Variants in SLC25A21 observed in about 807,000 individuals in gnomAD.
SLC25A21 encodes mitochondrial 2-oxodicarboxylate carrier.
Under a neutral mutation model 43.8 loss-of-function variants are expected in SLC25A21, and 47 were observed. The ratio of observed to expected loss-of-function variants is 1.07; its 90% CI spans 0.85 to 1.37. The LOEUF (loss-of-function observed/expected upper bound fraction) is 1.37, where lower values mean the gene tolerates loss of function less well. Ranked by LOEUF, SLC25A21 falls within the 40% of genes most tolerant of loss-of-function variation. The pLI, the probability that SLC25A21 is intolerant of heterozygous loss-of-function variation, is 0.00. For synonymous variants in SLC25A21, 131 were observed against 121.3 expected (o/e 1.08, Z -0.52); for missense variants, 352 against 350.2 (o/e 1.00, Z -0.04).
intron 2 of SLC25A21, among the ~76,000 whole-genome samples, chr14:36,872,443 A>G (rs1331269692): frequency 6.6e-6 from 1 of 152,164 alleles, no homozygotes; most frequent in Non-Finnish European, 1.5e-5. Flanking sequence ...CTCCTGTATA[A>G]TGTGATGGTG....
chr14:36,929,595 G>A (rs539328297), intron 1 of SLC25A21, among the ~76,000 whole-genome samples: 3 of 152,246 alleles, frequency 2.0e-5, no homozygotes, highest in East Asian at 3.9e-4. Flanking sequence ...GAAGTAGCAG[G>A]CTTGGCGATA....
At chr14:36,887,042 T>C (rs1890937135) in intron 1 of SLC25A21, among the ~76,000 whole-genome samples, 1 of 152,120 alleles carries the variant, frequency 6.6e-6, no homozygotes, top group Admixed American at 6.5e-5. Context: ...TTTGAGTATA[T>C]AAAATGTCTT....
Position 36,891,963 on chromosome 14 carries a change from G to A in SLC25A21, c.71-16959C>T, listed in dbSNP as rs76522616. 9.2e-5 allele frequency among the ~76,000 whole-genome samples: 14 copies of A among 152,284 alleles called. No individual in the cohort carries two copies. In the East Asian group the frequency reaches 2.7e-3, roughly 29 times the overall value. On this transcript the variant is annotated intron_variant, in intron 1 of 9. Transcript: ENST00000331299. Reference sequence around the variant, plus strand: ...ACAATCAGGGCTGCTACATGAAAGAGAAATAAGCTTGTTGTTCCTTAAGCC... The same window carrying A: ...ACAATCAGGGCTGCTACATGAAAGAAAAATAAGCTTGTTGTTCCTTAAGCC...
chr14:36,951,935 G>A (rs1031462511), intron 1 of SLC25A21, among the ~76,000 whole-genome samples: 1 of 152,106 alleles, frequency 6.6e-6, no homozygotes, highest in East Asian at 1.9e-4. Context: ...GTAAACTTGG[G>A]CCAATAAAAG....
chr14:36,874,653 T>C (rs565186552), intron 2 of SLC25A21, among the ~76,000 whole-genome samples: 4 of 152,236 alleles, frequency 2.6e-5, no homozygotes, highest in Non-Finnish European at 5.9e-5. Flanking sequence ...ATCCACTGGA[T>C]AAAGTTTAGT....
At chr14:36,779,935 G>A (rs2138376233) in intron 3 of SLC25A21, among the ~76,000 whole-genome samples, 1 of 151,928 alleles carries the variant, frequency 6.6e-6, no homozygotes, top group African/African-American at 2.4e-5. Flanking sequence ...TGTAAGTCGA[G>A]CTGGCCTTGT....
At chr14:36,980,706 C>A (rs1960000258) in intron 1 of SLC25A21, among the ~76,000 whole-genome samples, 3 of 152,226 alleles carry the variant, frequency 2.0e-5, no homozygotes, top group Admixed American at 2.0e-4. Context: ...TGGAGAGGAG[C>A]TGCATTCCTT....
chr14:37,104,131 C>A (rs1962868794), intron 1 of SLC25A21, among the ~76,000 whole-genome samples: 1 of 152,200 alleles, frequency 6.6e-6, no homozygotes, highest in African/African-American at 2.4e-5. Flanking sequence ...TGGTTTAATT[C>A]TGCTACCAAA....
intron 3 of SLC25A21, among the ~76,000 whole-genome samples, chr14:36,785,341 G>A (rs1157152946): frequency 1.3e-5 from 2 of 152,184 alleles, no homozygotes; most frequent in Admixed American, 1.3e-4. Context: ...CAAACAAAAA[G>A]CATGTTTGAT....
chr14:37,091,990 G>A (rs1962595941), intron 1 of SLC25A21, among the ~76,000 whole-genome samples: 2 of 152,104 alleles, frequency 1.3e-5, no homozygotes. Context: ...AGCCAGGGAT[G>A]GTGGTGCATG....
intron 1 of SLC25A21, among the ~76,000 whole-genome samples, chr14:36,884,075 G>T (rs1158092064): frequency 6.6e-6 from 1 of 152,062 alleles, no homozygotes; most frequent in African/African-American, 2.4e-5. Context: ...ATAGGTCATG[G>T]AAACTTATTT....
chr14:36,919,458 T>G (rs1390211087), intron 1 of SLC25A21, among the ~76,000 whole-genome samples: 1 of 152,024 alleles, frequency 6.6e-6, no homozygotes, highest in East Asian at 1.9e-4. Flanking sequence ...GATAAAATAT[T>G]GCTCCAGGGT....
intron 7 of SLC25A21, among the ~76,000 whole-genome samples, chr14:36,704,942 G>C (rs1335441832): frequency 1.3e-5 from 2 of 152,052 alleles, no homozygotes; most frequent in Admixed American, 1.3e-4. Flanking sequence ...CAGAAAGTCG[G>C]GATATTTTTC....
intron 1 of SLC25A21, among the ~76,000 whole-genome samples, chr14:37,010,849 A>G (rs959483893): frequency 3.5e-4 from 53 of 152,164 alleles, no homozygotes; most frequent in African/African-American, 1.1e-3. Context: ...GGCTGAAGCA[A>G]TCCTCCTGCC....
chr14:36,999,171 A>T (rs1256570686), intron 1 of SLC25A21, among the ~76,000 whole-genome samples: 1 of 152,200 alleles, frequency 6.6e-6, no homozygotes, highest in Non-Finnish European at 1.5e-5. Context: ...ACTGTGGTAC[A>T]TACAGACAAT....
chr14:36,964,380 T>C (rs554759143), intron 1 of SLC25A21, among the ~76,000 whole-genome samples: 29 of 152,230 alleles, frequency 1.9e-4, no homozygotes, highest in Non-Finnish European at 4.1e-4. Context: ...TGGGTCTACA[T>C]GACCATTCTC....
intron 1 of SLC25A21, among the ~76,000 whole-genome samples, chr14:37,011,259 G>A (rs1960725903): frequency 6.6e-6 from 1 of 152,040 alleles, no homozygotes; most frequent in Non-Finnish European, 1.5e-5. Context: ...CTGCCCTCAA[G>A]AGATCCTCCC....
chr14:37,000,523 C>T (rs535445538), intron 1 of SLC25A21, among the ~76,000 whole-genome samples: 2 of 152,276 alleles, frequency 1.3e-5, no homozygotes, highest in East Asian at 3.9e-4. Context: ...GCCACCTGCA[C>T]TCCAAGGCCT....
intron 1 of SLC25A21, among the ~76,000 whole-genome samples, chr14:36,999,603 A>G (rs928577306): frequency 6.6e-6 from 1 of 152,178 alleles, no homozygotes; most frequent in Non-Finnish European, 1.5e-5. Flanking sequence ...AAGGCTATGC[A>G]TGAGTGGAAG....
Sources: gnomAD v4.1 joint callset for allele counts (sites outside exome capture counted in the v4.1 genomes callset) on GRCh38, gnomAD v4.1.1 for gene constraint, MANE v1.5 for transcripts, NCBI Gene and HGNC (gene_info 2026-07-23, HGNC 2026-07-21) for gene names.